The following CD302 variants were observed in gnomAD, a reference collection of about 807,000 sequenced individuals.
CD302 encodes the protein CD302 molecule.
In CD302, 23 loss-of-function variants were observed where a neutral mutation model predicts 26.5. That is an observed-to-expected ratio of 0.87 (90% CI 0.62 to 1.23). The LOEUF (loss-of-function observed/expected upper bound fraction) is 1.23, where lower values mean the gene tolerates loss of function less well. Among genes scored for constraint, CD302 ranks in the 50% most tolerant of loss-of-function variants. The probability of loss-of-function intolerance (pLI) is 0.00; values close to 1 mark genes in which losing one functional copy is unlikely to be tolerated. For synonymous variants in CD302, 90 were observed against 99.4 expected, an observed-to-expected ratio of 0.91 and a Z score of 0.56; for missense variants, 290 against 275.5, an observed-to-expected ratio of 1.05 and a Z score of -0.37.
intron 5 of CD302, among the ~76,000 whole-genome samples, chr2:159,775,950 G>A (rs1414364636): frequency 2.7e-5 from 4 of 147,258 alleles, no homozygotes; most frequent in African/African-American, 7.5e-5. Context: ...GCTCTGTCTC[G>A]CCCAGGCTGG....
rs1708028405 is a variant in CD302 at position 159,768,680 on chromosome 2, T to G, written c.*3171A>C. 4 of 152,630 alleles carry G rather than the reference T, an allele frequency of 2.6e-5. No individual in the cohort carries two copies. The highest frequency in any genetic ancestry group is 4.1e-4 in the South Asian group (2 of 4,828). The allele number at this position is 152,630 out of a possible 1,614,324, so 9.5% of individuals were successfully genotyped here. ...TCAAATCTCATTTTAAGCAATAATATAAATGTTCTAAAACATTTGCTCACC... is the reference window on the plus strand; with the variant it reads ...TCAAATCTCATTTTAAGCAATAATAGAAATGTTCTAAAACATTTGCTCACC... On this transcript the variant is annotated 3_prime_UTR_variant, in exon 6 of 6. Coordinates refer to ENST00000259053, the MANE Select transcript of CD302 (RefSeq NM_014880.5).
intron 4 of CD302, among the ~76,000 whole-genome samples, chr2:159,779,529 T>C (rs565222495): frequency 6.6e-6 from 1 of 152,284 alleles, no homozygotes; most frequent in East Asian, 1.9e-4. Flanking sequence ...TTTCATGTGA[T>C]CTGGCCTTAC....
rs548350642 is a variant in CD302, at chr2:159,774,894, G to C, written c.497-2841C>G. On this transcript the variant is annotated intron_variant, in intron 5 of 5. Transcript: ENST00000259053. Reference sequence around the variant, plus strand: ...TTAACTGTTGGGTTGTTTCCTTGCTGCTTCAACTCCATGTTCTCTACTGTT... The same window carrying C: ...TTAACTGTTGGGTTGTTTCCTTGCTCCTTCAACTCCATGTTCTCTACTGTT... Among the ~76,000 whole-genome samples, 11 of 152,278 alleles carry C rather than the reference G, an allele frequency of 7.2e-5. No individual in the cohort carries two copies. The South Asian group carries it at 2.1e-3, about 29-fold the overall frequency.
chr2:159,777,489 T>G (rs1708369489), intron 5 of CD302, among the ~76,000 whole-genome samples: 2 of 152,210 alleles, frequency 1.3e-5, no homozygotes, highest in Admixed American at 1.3e-4. Context: ...ATACTTGCCC[T>G]ATGACCCAGC....
chr2:159,775,384 T>C (rs1708281106), intron 5 of CD302, among the ~76,000 whole-genome samples: 1 of 152,266 alleles, frequency 6.6e-6, no homozygotes, highest in South Asian at 2.1e-4. Context: ...ACTATTCGTT[T>C]TTGAAGCCAC....
rs979695002 is a variant in CD302 at position 159,770,263 on chromosome 2, T to C, written c.*1588A>G. The C allele has an allele frequency of 3.9e-5, 6 of 152,202 alleles. No homozygotes were observed. The highest frequency in any genetic ancestry group is 1.4e-4 in the African/African-American group (6 of 41,448). The allele number at this position is 152,202 out of a possible 1,614,324, so 9.4% of individuals were successfully genotyped here. On this transcript the variant is annotated 3_prime_UTR_variant, in exon 6 of 6. Coordinates refer to ENST00000259053, the MANE Select transcript of CD302 (RefSeq NM_014880.5). ...AATAAAATAGACATCTCAATCACTA[T>C]ACAAAATCTCAGAAATGTAAAGCTC...
At position 159,779,929 on chromosome 2, in the gene CD302, T is replaced by C. The variant is rs111230227; in HGVS notation, c.469+76A>G. ...TATTCTATTTATTGAGGCACACTTA[T>C]CTCAAAATTATTTTAAAACCAGTCC... is the stretch of plus-strand genomic sequence containing the variant. On this transcript the variant is annotated intron_variant, in intron 4 of 5. Coordinates refer to ENST00000259053, the MANE Select transcript of CD302 (RefSeq NM_014880.5). The C allele has an allele frequency of 1.1e-5, 16 of 1,511,610 alleles. 1 individual carries two copies. Among genetic ancestry groups the C allele is most frequent in the African/African-American group, 7.0e-5 (5 of 71,734 alleles). The allele number at this position is 1,511,610 out of a possible 1,614,324, so 93.6% of individuals were successfully genotyped here.
chr2:159,779,868 G>T, intron 4 of CD302, 137 bp downstream of exon 4: 2 of 1,002,960 alleles, frequency 2.0e-6, no homozygotes, highest in Non-Finnish European at 2.8e-6. Flanking sequence ...TTACCATAAT[G>T]CTGGGATTGC....
chr2:159,775,840 C>CTA (rs1183179275), intron 5 of CD302, among the ~76,000 whole-genome samples: 2 of 151,610 alleles, frequency 1.3e-5, no homozygotes, highest in African/African-American at 4.8e-5. Context: ...GTACCTCATA[C>CTA]TATAGGTAAG....
intron 1 of CD302, among the ~76,000 whole-genome samples, chr2:159,794,307 A>ATAAT (rs1277192222): frequency 0.053 from 3,011 of 56,582 alleles, 35 homozygotes; most frequent in South Asian, 0.082. Context: ...TAAAATAATA[A>ATAAT]AAAAAAAAAC....
rs528076445 is a variant in CD302, at chr2:159,797,981, C to T, written c.67+151G>A. The T allele has an allele frequency of 4.8e-3, 3,284 of 689,082 alleles. 18 individuals carry two copies. The highest frequency in any genetic ancestry group is 5.5e-3 in the Non-Finnish European group (2,428 of 442,434). The allele number at this position is 689,082 out of a possible 1,614,324, so 42.7% of individuals were successfully genotyped here. A position where few individuals can be genotyped will look rare whatever the true frequency, so the allele number is the denominator to read the frequency against. On this transcript the variant is annotated intron_variant, in intron 1 of 5. Coordinates refer to ENST00000259053, the MANE Select transcript of CD302 (RefSeq NM_014880.5). Reference sequence around the variant, plus strand: ...AGAGGTGACCCGGAGCCAGGACCCACGGGGGACGGGCGTGCAGGGAAGGGC... The same window carrying T: ...AGAGGTGACCCGGAGCCAGGACCCATGGGGGACGGGCGTGCAGGGAAGGGC...
intron 1 of CD302, among the ~76,000 whole-genome samples, chr2:159,794,097 CAAAA>C (rs549235973): frequency 9.4e-6 from 1 of 106,936 alleles, no homozygotes. Context: ...CCCACCTCTA[CAAAA>C]AAAAAAAAAA....
At chr2:159,775,332 C>CTT (rs1708279172) in intron 5 of CD302, among the ~76,000 whole-genome samples, 1 of 152,200 alleles carries the variant, frequency 6.6e-6, no homozygotes, top group Admixed American at 6.5e-5. Context: ...TCAGAGATTA[C>CTT]TTTTCTTGTA....
chr2:159,783,479 AAAAAG>A lies in CD302; in HGVS notation c.68-15_68-11del, dbSNP rs1291973739. ...GTAGATGAAGGACAGTCTATGTAGA[AAAAAG>A]AAGAACACTGTTAAATAACTTGAGA... is the stretch of plus-strand genomic sequence containing the variant. On this transcript the variant is annotated splice_polypyrimidine_tract_variant and intron_variant, in intron 1 of 5. Coordinates refer to ENST00000259053, the MANE Select transcript of CD302 (RefSeq NM_014880.5). The A allele has an allele frequency of 6.4e-7, 1 of 1,572,958 alleles. No individual in the cohort carries two copies.
At chr2:159,795,684 A>C (rs1176287687) in intron 1 of CD302, among the ~76,000 whole-genome samples, 1 of 152,240 alleles carries the variant, frequency 6.6e-6, no homozygotes, top group African/African-American at 2.4e-5. Flanking sequence ...TGGTGTGCAC[A>C]GAAGGACCAG....
intron 1 of CD302, among the ~76,000 whole-genome samples, chr2:159,785,860 T>C (rs960360070): frequency 6.6e-6 from 1 of 152,154 alleles, no homozygotes; most frequent in Non-Finnish European, 1.5e-5. Context: ...CCAATGGCAG[T>C]GTAAAGTACC....
At chr2:159,798,021 G>A in intron 1 of CD302, 111 bp downstream of exon 1, 1 of 1,033,672 alleles carries the variant, frequency 9.7e-7, no homozygotes. Context: ...TGGCCGGCCG[G>A]GTGTTGCGTC....
At chr2:159,777,490 A>G (rs1708369567) in intron 5 of CD302, among the ~76,000 whole-genome samples, 1 of 152,226 alleles carries the variant, frequency 6.6e-6, no homozygotes, top group African/African-American at 2.4e-5. Context: ...TACTTGCCCT[A>G]TGACCCAGCT....
At position 159,798,140 on chromosome 2, in the gene CD302, G is replaced by A; in HGVS notation, c.59C>T (p.Ala20Val). The change falls in exon 1 of 6, where the codon GCC becomes GTC. Residue 20 changes from alanine to valine, a missense_variant. Physicochemically the swap from Ala to Val is moderately conservative, Grantham distance 64. Coordinates refer to ENST00000259053, the MANE Select transcript of CD302 (RefSeq NM_014880.5). ...ACTACGTAAGGGCTTACCCGCGACG[G>A]CAGCAGCGGCGAGGCCCAGCAACGG... ...LLPLLGLAAA[A>V]VADCPSSTWI... 6.7e-7 allele frequency: 1 copy of A among 1,486,336 alleles called. No homozygotes were observed. The allele number at this position is 1,486,336 out of a possible 1,614,324, so 92.1% of individuals were successfully genotyped here.
Sources: allele counts gnomAD v4.1 joint callset (sites outside exome capture counted in the v4.1 genomes callset), GRCh38; gene constraint gnomAD v4.1.1; transcripts MANE v1.5; gene names NCBI Gene and HGNC (gene_info 2026-07-23, HGNC 2026-07-21).